Variants in ARMC2 observed in about 807,000 individuals in gnomAD.
ARMC2 encodes armadillo repeat containing 2, also known as armadillo repeat-containing protein 2.
In ARMC2, 67 loss-of-function variants were observed where a neutral mutation model predicts 90.3. That is an observed-to-expected ratio of 0.74 (90% CI 0.61 to 0.91). The LOEUF is 0.91. ARMC2 is among the 40% of genes least tolerant of loss of function. The pLI is 0.00. For synonymous variants in ARMC2, 393 were observed against 393.0 expected (o/e 1.00, Z 0.00); for missense variants, 920 against 1,030.9 (o/e 0.89, Z 1.47).
chr6:109,035,182 T>C, the ARMC2 span, among the ~76,000 whole-genome samples: 1 of 152,082 alleles, frequency 6.6e-6, no homozygotes, highest in Non-Finnish European at 1.5e-5. Context: ...CATTTTGCTT[T>C]TCATCCTAGA....
At chr6:108,855,663 C>G (rs1774503119) in intron 2 of ARMC2, among the ~76,000 whole-genome samples, 1 of 152,224 alleles carries the variant, frequency 6.6e-6, no homozygotes, top group South Asian at 2.1e-4. Flanking sequence ...GGGGCTATAT[C>G]ATTTTGCCTT....
chr6:108,868,834 T>G lies in ARMC2; in HGVS notation c.302T>G (p.Val101Gly), dbSNP rs1776095405. The part of the protein sequence containing the change: ...RLSPLELKPK[V>G]PASPTREEDS... ...AAAATCTCTTTCCAGAAACCGAAAGTTCCAGCATCTCCCACCAGAGAGGAG... is the reference window on the plus strand; with the variant it reads ...AAAATCTCTTTCCAGAAACCGAAAGGTCCAGCATCTCCCACCAGAGAGGAG... Residue 101 changes from valine to glycine, a missense_variant, in exon 4 of 18, where the codon GTT becomes GGT. Physicochemically the swap from Val to Gly is moderately radical, Grantham distance 109. Transcript: ENST00000392644. 6.2e-7 allele frequency: 1 copy of G among 1,609,470 alleles called. No individual in the cohort carries two copies. The highest frequency in any genetic ancestry group is 8.5e-7 in the Non-Finnish European group (1 of 1,178,682).
chr6:108,867,840 C>T (rs769419795), intron 3 of ARMC2, among the ~76,000 whole-genome samples: 18 of 151,926 alleles, frequency 1.2e-4, no homozygotes, highest in East Asian at 3.9e-4. Context: ...GAGCTGAGGC[C>T]GGAGAATCAC....
At chr6:109,012,423 CA>C in the ARMC2 span, among the ~76,000 whole-genome samples, 2 of 152,154 alleles carry the variant, frequency 1.3e-5, no homozygotes, top group African/African-American at 2.4e-5. Flanking sequence ...AAGTGAGGTT[CA>C]TTGCCTCTAC....
At chr6:108,869,412 G>A (rs1037243239) in intron 4 of ARMC2, among the ~76,000 whole-genome samples, 1 of 152,166 alleles carries the variant, frequency 6.6e-6, no homozygotes, top group Non-Finnish European at 1.5e-5. Context: ...GGAGGCTGAG[G>A]CAGGAGAAGT....
At chr6:108,903,728 T>C (rs1772388262) in intron 7 of ARMC2, among the ~76,000 whole-genome samples, 1 of 152,202 alleles carries the variant, frequency 6.6e-6, no homozygotes, top group African/African-American at 2.4e-5. Flanking sequence ...AAGGTAATGT[T>C]TGTTGAATGT....
At chr6:109,012,265 C>CG in the ARMC2 span, among the ~76,000 whole-genome samples, 1 of 146,820 alleles carries the variant, frequency 6.8e-6, no homozygotes, top group East Asian at 2.0e-4. Flanking sequence ...TTTTTTGAGA[C>CG]GGAGTCTCGC....
the ARMC2 span, among the ~76,000 whole-genome samples, chr6:108,986,107 G>C: frequency 1.3e-5 from 2 of 152,142 alleles, no homozygotes; most frequent in Non-Finnish European, 2.9e-5. Context: ...GTTAAACTTA[G>C]AGCTATTTCT....
rs200854079 is a variant in ARMC2, at chr6:108,876,252, C to A, written c.573C>A (p.His191Gln). Residue 191 changes from histidine (H) to glutamine (Q), a missense_variant, in exon 5 of 18, where the codon CAC (histidine) becomes CAA (glutamine). Coordinates refer to ENST00000392644, the MANE Select transcript of ARMC2 (RefSeq NM_032131.6). ...ATGCTATTTGCCACTTAAAGAGTCACCCACTTCAGCTAACTGATGATGGAG... is the reference window on the plus strand; with the variant it reads ...ATGCTATTTGCCACTTAAAGAGTCAACCACTTCAGCTAACTGATGATGGAG... ...KSNAICHLKSHPLQLTDDGGF... is the reference protein window; with the variant it reads ...KSNAICHLKSQPLQLTDDGGF... 3 of 1,612,778 alleles carry A rather than the reference C, an allele frequency of 1.9e-6. No homozygotes were observed. The highest frequency in any genetic ancestry group is 1.1e-5 in the South Asian group (1 of 90,610).
intron 3 of ARMC2, among the ~76,000 whole-genome samples, chr6:108,863,379 G>A (rs1288052480): frequency 2.6e-5 from 4 of 152,084 alleles, no homozygotes; most frequent in Admixed American, 6.5e-5. Context: ...CACCATGTCC[G>A]CCTGATTTGT....
chr6:108,936,174 A>G (rs1260491050), intron 11 of ARMC2, among the ~76,000 whole-genome samples: 1 of 152,176 alleles, frequency 6.6e-6, no homozygotes, highest in Non-Finnish European at 1.5e-5. Context: ...TATTTTGCCT[A>G]ATATTAGTAT....
At chr6:109,000,795 C>G in the ARMC2 span, 418 of 773,732 alleles carry the variant, frequency 5.4e-4, no homozygotes, top group African/African-American at 7.0e-3. Flanking sequence ...TTTCCGTAAA[C>G]TACAGAAATG....
the ARMC2 span, chr6:108,988,767 G>A: frequency 9.0e-7 from 1 of 1,109,278 alleles, no homozygotes; most frequent in African/African-American, 1.6e-5. Flanking sequence ...CACATCAATA[G>A]TTAATACTGT....
At chr6:108,871,871 T>G (rs1480199681) in intron 4 of ARMC2, among the ~76,000 whole-genome samples, 1 of 152,226 alleles carries the variant, frequency 6.6e-6, no homozygotes, top group African/African-American at 2.4e-5. Flanking sequence ...CCACCCTGTT[T>G]GCAGTCACCC....
At chr6:108,932,506 T>C (rs1188218299) in intron 11 of ARMC2, among the ~76,000 whole-genome samples, 15 of 147,654 alleles carry the variant, frequency 1.0e-4, no homozygotes, top group African/African-American at 3.6e-4. Flanking sequence ...AGTGAGTCTT[T>C]TCTCCATTGC....
the ARMC2 span, chr6:108,990,978 C>T: frequency 3.1e-6 from 2 of 641,560 alleles, no homozygotes; most frequent in Admixed American, 3.2e-5. Context: ...TTCACTTACA[C>T]TCCAATCTTT....
At chr6:108,924,520 G>GC (rs1015120124) in intron 10 of ARMC2, among the ~76,000 whole-genome samples, 2 of 152,038 alleles carry the variant, frequency 1.3e-5, no homozygotes, top group African/African-American at 4.8e-5. Context: ...GCAGGAGATG[G>GC]CCCGGGGGAG....
At chr6:109,003,154 ATAAT>A in the ARMC2 span, among the ~76,000 whole-genome samples, 1 of 152,120 alleles carries the variant, frequency 6.6e-6, no homozygotes. Context: ...CAAAACTAAA[ATAAT>A]ATATTTCAAC....
rs139318961 is a variant in ARMC2 at position 108,919,022 on chromosome 6, A to G, written c.1350+6464A>G. Among the ~76,000 whole-genome samples the G allele has an allele frequency of 7.4e-3, 1,132 of 152,356 alleles. 6 individuals carry two copies. The highest frequency in any genetic ancestry group is 0.011 in the Non-Finnish European group (770 of 68,036). On this transcript the variant is annotated intron_variant, in intron 10 of 17. Coordinates refer to ENST00000392644, the MANE Select transcript of ARMC2 (RefSeq NM_032131.6). ...AGCAATGTAGAGAAGAGCACCAAAG[A>G]GAAACTAAAATTGGAGGAGGGTGTT... is the stretch of plus-strand genomic sequence containing the variant.
Sources: gnomAD v4.1 joint callset for allele counts (sites outside exome capture counted in the v4.1 genomes callset) on GRCh38, gnomAD v4.1.1 for gene constraint, MANE v1.5 for transcripts, NCBI Gene and HGNC (gene_info 2026-07-23, HGNC 2026-07-21) for gene names.